ADGRB2: variants seen among roughly 807,000 people sequenced by gnomAD.
The protein encoded by ADGRB2 is adhesion G protein-coupled receptor B2, also known as brain-specific angiogenesis inhibitor 2.
Under a neutral mutation model 178.7 loss-of-function variants are expected in ADGRB2, and 47 were observed. The observed-to-expected ratio is 0.26, with a 90% CI of 0.21 to 0.34. The LOEUF (loss-of-function observed/expected upper bound fraction) is 0.34, where lower values mean the gene tolerates loss of function less well. Among genes scored for constraint, ADGRB2 ranks in the 10% least tolerant of loss-of-function variants. ADGRB2 has a pLI of 1.00. For missense variants in ADGRB2, 1,584 were observed against 2,180.8 expected (o/e 0.73, Z 5.45); for synonymous variants, 870 against 912.4 (o/e 0.95, Z 0.84).
chr1:31,740,065 G>C lies in ADGRB2; in HGVS notation c.2059-31C>G, dbSNP rs1437588201. 6.2e-7 allele frequency: 1 copy of C among 1,614,134 alleles called. No individual in the cohort carries two copies. The highest frequency in any genetic ancestry group is 1.1e-5 in the South Asian group (1 of 91,082). ...GACAGAAAGTGTGTAAGGGTCCAAG[G>C]CAGGGTGGGTCACGGGAGGAGAAGC... On this transcript the variant is annotated intron_variant, in intron 13 of 32. Transcript: ENST00000373658. This position sits in a 1 kb window ranked among gnomAD's most constrained non-coding sequence, Gnocchi z 5.9.
At position 31,741,918 on chromosome 1, in the gene ADGRB2, C is replaced by G; in HGVS notation, c.1467G>C (p.Lys489Asn). 2 of 1,609,602 alleles carry G rather than the reference C, an allele frequency of 1.2e-6. No individual in the cohort carries two copies. The highest frequency in any genetic ancestry group is 1.7e-6 in the Non-Finnish European group (2 of 1,176,754). ...GGCGCTGCCAGCCTGTGTCACACGTCTTAGAGCACAGGCTCCACGCATTCC... is the reference window on the plus strand; with the variant it reads ...GGCGCTGCCAGCCTGTGTCACACGTGTTAGAGCACAGGCTCCACGCATTCC... ...GPWNAWSLCS[K>N]TCDTGWQRRF... Residue 489 changes from lysine to asparagine, a missense_variant, in exon 9 of 33, where the codon AAG becomes AAC. This residue lies in a region of ADGRB2 where 657 missense variants were observed against 847.6 expected (regional missense o/e 0.78). Transcript: ENST00000373658. The surrounding 1 kb of genome is among the most constrained non-coding windows in gnomAD (Gnocchi z 6.5).
chr1:31,740,895 G>GCGCGCACACA lies in ADGRB2; in HGVS notation c.1795-355_1795-354insTGTGTGCGCG, dbSNP rs1553185114. ...AATGAGCATGTGTGTGGGCGCGCGCGCACACACACACACACACACACACAC... is the reference window on the plus strand; with the variant it reads ...AATGAGCATGTGTGTGGGCGCGCGCGCGCGCACACACACACACACACACACACACACACAC... On this transcript the variant is annotated intron_variant, in intron 11 of 32. Coordinates refer to ENST00000373658, the MANE Select transcript of ADGRB2 (RefSeq NM_001364857.2). The surrounding 1 kb of genome is among the most constrained non-coding windows in gnomAD (Gnocchi z 5.9). 2.1e-4 allele frequency among the ~76,000 whole-genome samples: 29 copies of GCGCGCACACA among 140,388 alleles called. No homozygotes were observed. Among genetic ancestry groups the GCGCGCACACA allele is most frequent in the Non-Finnish European group, 1.7e-4 (11 of 64,878 alleles). 92.1% of individuals were successfully genotyped at this position (140,388 alleles called of 152,430 possible).
chr1:31,737,810 G>A, intron 18 of ADGRB2, 55 bp from the exon 19 acceptor site: 2 of 1,510,896 alleles, frequency 1.3e-6, no homozygotes, highest in Non-Finnish European at 1.8e-6. Context: ...GAGCTGCAGG[G>A]GTGCCCTGTC....
At chr1:31,746,601 C>A (rs761408558) in intron 4 of ADGRB2, among the ~76,000 whole-genome samples, 16 of 152,190 alleles carry the variant, frequency 1.1e-4, no homozygotes, top group South Asian at 6.2e-4. Flanking sequence ...CTTCCTCATT[C>A]CCCGCTGTGG....
In ADGRB2 at chr1:31,740,872, T is replaced by C. The variant is rs1055503274; in HGVS notation, c.1795-331A>G. On this transcript the variant is annotated intron_variant, in intron 11 of 32. Transcript: ENST00000373658. The surrounding 1 kb of genome is among the most constrained non-coding windows in gnomAD (Gnocchi z 5.9). ...GGGTCATGTACATTCTGGAGTGTAATGAGCATGTGTGTGGGCGCGCGCGCA... is the reference window on the plus strand; with the variant it reads ...GGGTCATGTACATTCTGGAGTGTAACGAGCATGTGTGTGGGCGCGCGCGCA... Among the ~76,000 whole-genome samples the C allele has an allele frequency of 2.1e-5, 3 of 146,190 alleles. No individual in the cohort carries two copies. The highest frequency in any genetic ancestry group is 5.0e-5 in the African/African-American group (2 of 39,742).
chr1:31,743,042 G>A, intron 6 of ADGRB2, 40 bp from the exon 7 acceptor site: 1 of 1,359,748 alleles, frequency 7.4e-7, no homozygotes, highest in Non-Finnish European at 9.5e-7. Context: ...GCGGCACCAT[G>A]GCCCCGCCCA....
intron 4 of ADGRB2, among the ~76,000 whole-genome samples, chr1:31,747,990 G>A (rs1646362742): frequency 1.3e-5 from 2 of 152,208 alleles, no homozygotes; most frequent in South Asian, 4.1e-4. Flanking sequence ...CAGCTCCTGT[G>A]TGGGCTTCCT....
At chr1:31,763,461 G>A (rs1328631628) in intron 1 of ADGRB2, among the ~76,000 whole-genome samples, 2 of 142,218 alleles carry the variant, frequency 1.4e-5, no homozygotes, top group African/African-American at 5.1e-5. Flanking sequence ...ACCGTGACGG[G>A]AAATAGAGGG....
In ADGRB2 at chr1:31,758,465, G is replaced by A. The variant is rs991485872; in HGVS notation, c.-190-954C>T. Among the ~76,000 whole-genome samples, 2 of 152,206 alleles carry A rather than the reference G, an allele frequency of 1.3e-5. No homozygotes were observed. The highest frequency in any genetic ancestry group is 4.8e-5 in the African/African-American group (2 of 41,450). On this transcript the variant is annotated intron_variant, in intron 1 of 32. Transcript: ENST00000373658. This position sits in a 1 kb window ranked among gnomAD's most constrained non-coding sequence, Gnocchi z 4.2. ...GACTAGATTCTCCCAAGACACAGTT[G>A]CTCCCAGGGAACAGACTTCCCCTTG...
chr1:31,764,077 G>T lies in ADGRB2; in HGVS notation c.-384C>A. On this transcript the variant is annotated 5_prime_UTR_variant, in exon 1 of 33. Transcript: ENST00000373658. This position sits in a 1 kb window ranked among gnomAD's most constrained non-coding sequence, Gnocchi z 7.3. ...CCGCGGAGCAGCGCGGGGCGGGCGGGCGGGCGGCGCCGGGCCGGGCGCGGG... is the reference window on the plus strand; with the variant it reads ...CCGCGGAGCAGCGCGGGGCGGGCGGTCGGGCGGCGCCGGGCCGGGCGCGGG... 6 of 923,046 alleles carry T rather than the reference G, an allele frequency of 6.5e-6. No individual in the cohort carries two copies. Among genetic ancestry groups the T allele is most frequent in the South Asian group, 5.0e-5 (1 of 20,100 alleles). The allele number at this position is 923,046 out of a possible 1,614,324, so 57.2% of individuals were successfully genotyped here. A position where few individuals can be genotyped will look rare whatever the true frequency, so the allele number is the denominator to read the frequency against.
At chr1:31,736,813 C>T in intron 20 of ADGRB2, 90 bp from the exon 21 acceptor site, 1 of 1,496,268 alleles carries the variant, frequency 6.7e-7, no homozygotes, top group Admixed American at 2.3e-5. Flanking sequence ...TGGGCGCTGC[C>T]ACAGCCGCCC....
rs1400624060 is a variant in ADGRB2 at position 31,758,056 on chromosome 1, A to G, written c.-190-545T>C. Among the ~76,000 whole-genome samples, 1 of 152,040 alleles carries G rather than the reference A, an allele frequency of 6.6e-6. No individual in the cohort carries two copies. Among genetic ancestry groups the G allele is most frequent in the East Asian group, 1.9e-4 (1 of 5,178 alleles). ...TGTGTCACTGCCCACAGCCTGCGCA[A>G]CCTCTACCCAACTGCCCAGAAAATG... is the stretch of plus-strand genomic sequence containing the variant. On this transcript the variant is annotated intron_variant, in intron 1 of 32. Transcript: ENST00000373658. This position sits in a 1 kb window ranked among gnomAD's most constrained non-coding sequence, Gnocchi z 4.2.
At chr1:31,736,235 A>G in intron 22 of ADGRB2, 86 bp downstream of exon 22, 1 of 1,487,020 alleles carries the variant, frequency 6.7e-7, no homozygotes, top group African/African-American at 1.4e-5. Flanking sequence ...CAAAACAGGC[A>G]TGGGCTAGGA....
In ADGRB2 at chr1:31,727,426, C is replaced by G; in HGVS notation, c.4752G>C (p.Glu1584Asp). ...GGGCAGTCCAGCGTGGCACTCACAC[C>G]TCTGTCTGGAAGTCACCATCCGGTG... ...TEPPDGDFQTEV is the reference protein window; with the variant it reads ...TEPPDGDFQTDV The change falls in exon 33 of 33, where the codon GAG (glutamate) becomes GAC (aspartate). Residue 1584 changes from glutamate (E) to aspartate (D), a missense_variant. Transcript: ENST00000373658. The surrounding 1 kb of genome is among the most constrained non-coding windows in gnomAD (Gnocchi z 4.4). 6.3e-7 allele frequency: 1 copy of G among 1,583,954 alleles called. No homozygotes were observed. The highest frequency in any genetic ancestry group is 1.2e-5 in the South Asian group (1 of 86,254).
chr1:31,728,324 C>G lies in ADGRB2; in HGVS notation c.4417-44G>C. ...CAGAGGGTCGCTCCCCGGGGCAGCA[C>G]CATGATCCCCCCTACCCAGGGCACT... On this transcript the variant is annotated intron_variant, in intron 30 of 32. Coordinates refer to ENST00000373658, the MANE Select transcript of ADGRB2 (RefSeq NM_001364857.2). The surrounding 1 kb of genome is among the most constrained non-coding windows in gnomAD (Gnocchi z 6.7). The G allele has an allele frequency of 6.3e-7, 1 of 1,581,114 alleles. No individual in the cohort carries two copies. The highest frequency in any genetic ancestry group is 8.7e-7 in the Non-Finnish European group (1 of 1,155,640).
chr1:31,728,890 T>G lies in ADGRB2; in HGVS notation c.4381-257A>C, dbSNP rs912696914. ...GGACTTCCAACATGACAGGCCCAGA[T>G]GCCCACATGGAATCAGAGCCAGTGC... On this transcript the variant is annotated intron_variant, in intron 29 of 32. Coordinates refer to ENST00000373658, the MANE Select transcript of ADGRB2 (RefSeq NM_001364857.2). The surrounding 1 kb of genome is among the most constrained non-coding windows in gnomAD (Gnocchi z 6.7). Among the ~76,000 whole-genome samples the G allele has an allele frequency of 6.7e-6, 1 of 150,054 alleles. No individual in the cohort carries two copies. The highest frequency in any genetic ancestry group is 1.5e-5 in the Non-Finnish European group (1 of 67,638).
Position 31,755,123 on chromosome 1 carries a change from C to T in ADGRB2, c.838+876G>A, listed in dbSNP as rs1646766968. On this transcript the variant is annotated intron_variant, in intron 4 of 32. Transcript: ENST00000373658. This position sits in a 1 kb window ranked among gnomAD's most constrained non-coding sequence, Gnocchi z 5.1. ...CCAGACCCCAGACCTGCCTCCTTCC[C>T]ATCCCCATGTCATCAGTCCCTGTTC... Among the ~76,000 whole-genome samples, 1 of 152,224 alleles carries T rather than the reference C, an allele frequency of 6.6e-6. No individual in the cohort carries two copies. The highest frequency in any genetic ancestry group is 2.4e-5 in the African/African-American group (1 of 41,452).
rs886842384 is a variant in ADGRB2 at position 31,759,205 on chromosome 1, CCA to C, written c.-190-1696_-190-1695del. The C allele has an allele frequency of 1.3e-6, 1 of 746,200 alleles. No individual in the cohort carries two copies. The highest frequency in any genetic ancestry group is 1.7e-5 in the African/African-American group (1 of 58,756). The allele number at this position is 746,200 out of a possible 1,614,324, so 46.2% of individuals were successfully genotyped here. A position where few individuals can be genotyped will look rare whatever the true frequency, so the allele number is the denominator to read the frequency against. On this transcript the variant is annotated intron_variant, in intron 1 of 32. Coordinates refer to ENST00000373658, the MANE Select transcript of ADGRB2 (RefSeq NM_001364857.2). The surrounding 1 kb of genome is among the most constrained non-coding windows in gnomAD (Gnocchi z 4.3). ...ACACGGACATGCACACAGGTGAAAC[CCA>C]CAGATTCATGCTGTCACACACACTC...
At position 31,739,458 on chromosome 1, in the gene ADGRB2, C is replaced by A; in HGVS notation, c.2345G>T (p.Ser782Ile). ...TCCTGGGCCCCTCCCCCTGCCAGGG[C>A]TGCCTGCTGCCCCAGATGTGGCTGG... ...GKPATSGAAG[S>I]PGRGRGPGTV... The change falls in exon 15 of 33, where the codon AGC (serine) becomes ATC (isoleucine). Residue 782 changes from serine (S) to isoleucine (I), a missense_variant. Physicochemically the swap from Ser to Ile is moderately radical, Grantham distance 142. Transcript: ENST00000373658. The A allele has an allele frequency of 6.2e-7, 1 of 1,606,820 alleles. No homozygotes were observed. Among genetic ancestry groups the A allele is most frequent in the Non-Finnish European group, 8.5e-7 (1 of 1,176,900 alleles).
Sources: allele counts gnomAD v4.1 joint callset (sites outside exome capture counted in the v4.1 genomes callset), GRCh38; gene constraint gnomAD v4.1.1; regional missense constraint gnomAD v4.1.1; non-coding constraint Gnocchi (gnomAD v3.1); transcripts MANE v1.5; gene names NCBI Gene and HGNC (gene_info 2026-07-23, HGNC 2026-07-21).